The following GLRA3 variants were observed in gnomAD, a reference collection of about 807,000 sequenced individuals.
GLRA3 encodes glycine receptor alpha 3.
GLRA3 carries 44 observed loss-of-function variants against 60.4 expected under a neutral mutation model. The observed-to-expected ratio is 0.73, with a 90% CI of 0.57 to 0.94. GLRA3 has a LOEUF of 0.94. Ranked by LOEUF, GLRA3 falls within the 40% of genes least tolerant of loss-of-function variation. The pLI is 0.00. For synonymous variants in GLRA3, 223 were observed against 192.9 expected, an observed-to-expected ratio of 1.16 and a Z score of -1.29; for missense variants, 508 against 564.6, an observed-to-expected ratio of 0.90 and a Z score of 1.02.
At chr4:174,716,709 A>T (rs1393228971) in intron 4 of GLRA3, among the ~76,000 whole-genome samples, 1 of 152,048 alleles carries the variant, frequency 6.6e-6, no homozygotes, top group Non-Finnish European at 1.5e-5. Flanking sequence ...AATAGTACCT[A>T]CTCCAGAGAG....
At chr4:174,826,874 C>CTT (rs11338097) in intron 1 of GLRA3, among the ~76,000 whole-genome samples, 4 of 130,366 alleles carry the variant, frequency 3.1e-5, no homozygotes, top group Non-Finnish European at 3.4e-5. Flanking sequence ...AGGGAGCTTC[C>CTT]TTTTTTTTTT....
chr4:174,676,670 A>G (rs1432837895), intron 7 of GLRA3, among the ~76,000 whole-genome samples: 1 of 152,076 alleles, frequency 6.6e-6, no homozygotes, highest in Non-Finnish European at 1.5e-5. Flanking sequence ...AACATTTATT[A>G]TAGTATCAGT....
At chr4:174,714,289 A>G (rs1437657334) in intron 5 of GLRA3, among the ~76,000 whole-genome samples, 1 of 152,170 alleles carries the variant, frequency 6.6e-6, no homozygotes, top group Admixed American at 6.5e-5. Context: ...TTTTTCAACC[A>G]AGATATACAA....
At chr4:174,793,911 G>T (rs1000970284) in intron 1 of GLRA3, among the ~76,000 whole-genome samples, 1 of 151,836 alleles carries the variant, frequency 6.6e-6, no homozygotes, top group Non-Finnish European at 1.5e-5. Context: ...GATTAATTAA[G>T]ATTAAATCTT....
chr4:174,664,880 C>T lies in GLRA3; in HGVS notation c.928-5683G>A, dbSNP rs544304170. Among the ~76,000 whole-genome samples, 10 of 152,032 alleles carry T rather than the reference C, an allele frequency of 6.6e-5. No homozygotes were observed. In the South Asian group the frequency reaches 1.3e-3, roughly 19 times the overall value. ...CATTTACTGAATGCCGATGATGAACCCAAGTTCTGTTGTTAGGTGTTACAG... is the reference window on the plus strand; with the variant it reads ...CATTTACTGAATGCCGATGATGAACTCAAGTTCTGTTGTTAGGTGTTACAG... On this transcript the variant is annotated intron_variant, in intron 7 of 9. Coordinates refer to ENST00000274093, the MANE Select transcript of GLRA3 (RefSeq NM_006529.4).
chr4:174,685,746 C>T (rs1734532301), intron 5 of GLRA3, among the ~76,000 whole-genome samples: 1 of 151,984 alleles, frequency 6.6e-6, no homozygotes, highest in African/African-American at 2.4e-5. Context: ...AGTAGATGCA[C>T]ATTTCTCAAT....
At chr4:174,693,777 A>G (rs2111021774) in intron 5 of GLRA3, among the ~76,000 whole-genome samples, 1 of 152,290 alleles carries the variant, frequency 6.6e-6, no homozygotes, top group African/African-American at 2.4e-5. Flanking sequence ...TGCCCCACTT[A>G]AAAGGCACAG....
intron 9 of GLRA3, among the ~76,000 whole-genome samples, chr4:174,650,540 T>C (rs548031182): frequency 6.6e-6 from 1 of 152,330 alleles, no homozygotes; most frequent in Middle Eastern, 3.4e-3. Context: ...TGACATTCTC[T>C]TGAGTTCTGA....
intron 5 of GLRA3, among the ~76,000 whole-genome samples, chr4:174,700,479 A>C (rs1735264255): frequency 6.6e-6 from 1 of 152,152 alleles, no homozygotes; most frequent in South Asian, 2.1e-4. Context: ...CTACCTCCCT[A>C]TATGATGGCA....
In GLRA3 at chr4:174,672,779, C is replaced by T. The variant is rs139445181; in HGVS notation, c.927+4299G>A. Among the ~76,000 whole-genome samples the T allele has an allele frequency of 2.6e-3, 398 of 152,232 alleles. 1 individual carries two copies. Among genetic ancestry groups the T allele is most frequent in the Non-Finnish European group, 4.3e-3 (295 of 68,016 alleles). On this transcript the variant is annotated intron_variant, in intron 7 of 9. Transcript: ENST00000274093. Reference sequence around the variant, plus strand: ...GTTATGCAGGATAATTGCGATGTAACTGGATTATCAGCCCCAAGTGCCAAG... The same window carrying T: ...GTTATGCAGGATAATTGCGATGTAATTGGATTATCAGCCCCAAGTGCCAAG...
intron 2 of GLRA3, among the ~76,000 whole-genome samples, chr4:174,768,991 G>GTT (rs568856434): frequency 6.6e-6 from 1 of 151,166 alleles, no homozygotes; most frequent in African/African-American, 2.4e-5. Context: ...TAATTTCTTT[G>GTT]TTTTTTTTTA....
At chr4:174,647,332 G>A (rs116576994) in intron 9 of GLRA3, among the ~76,000 whole-genome samples, 8,202 of 151,818 alleles carry the variant, frequency 0.054, 294 homozygotes, top group Non-Finnish European at 0.084. Context: ...TGCTTGAACC[G>A]GGAAGCAGAG....
intron 5 of GLRA3, among the ~76,000 whole-genome samples, chr4:174,707,471 T>C (rs1183682046): frequency 1.3e-5 from 2 of 152,116 alleles, no homozygotes; most frequent in African/African-American, 4.8e-5. Context: ...CTATCTCTAA[T>C]GTATGTGTCA....
At chr4:174,775,732 G>A (rs1738571164) in intron 2 of GLRA3, among the ~76,000 whole-genome samples, 1 of 152,058 alleles carries the variant, frequency 6.6e-6, no homozygotes, top group Non-Finnish European at 1.5e-5. Context: ...CAATTCAATT[G>A]TTTTATGTTA....
At chr4:174,821,519 G>A (rs1347355263) in intron 1 of GLRA3, among the ~76,000 whole-genome samples, 1 of 151,542 alleles carries the variant, frequency 6.6e-6, no homozygotes, top group African/African-American at 2.4e-5. Context: ...TTTCTCAGGG[G>A]GATAAAAAGC....
chr4:174,797,981 A>G (rs992246263), intron 1 of GLRA3, among the ~76,000 whole-genome samples: 1 of 152,190 alleles, frequency 6.6e-6, no homozygotes, highest in Non-Finnish European at 1.5e-5. Flanking sequence ...GGAGGATGAA[A>G]ATAGCCAATA....
chr4:174,804,315 A>C (rs1465998685), intron 1 of GLRA3, among the ~76,000 whole-genome samples: 1 of 152,148 alleles, frequency 6.6e-6, no homozygotes, highest in Admixed American at 6.6e-5. Flanking sequence ...AGAGAGAAAG[A>C]GAGCACCAAC....
At position 174,642,243 on chromosome 4, in the gene GLRA3, G is replaced by C; in HGVS notation, c.*1543C>G. ...GTTTTAGTTTTAAATGGTAGTTTTT[G>C]CTTTTAATTTGAAAGTGGTTGAAGG... On this transcript the variant is annotated 3_prime_UTR_variant, in exon 10 of 10. Transcript: ENST00000274093. 1.1e-6 allele frequency: 1 copy of C among 916,124 alleles called. No homozygotes were observed. The highest frequency in any genetic ancestry group is 1.3e-6 in the Non-Finnish European group (1 of 767,068). 56.7% of individuals were successfully genotyped at this position (916,124 alleles called of 1,614,324 possible).
intron 3 of GLRA3, among the ~76,000 whole-genome samples, chr4:174,752,502 C>T (rs1203660443): frequency 2.0e-5 from 3 of 152,008 alleles, no homozygotes; most frequent in Admixed American, 6.6e-5. Context: ...GTGGAGGCAA[C>T]TCCATTGGAG....
Sources: allele counts gnomAD v4.1 joint callset (sites outside exome capture counted in the v4.1 genomes callset), GRCh38; gene constraint gnomAD v4.1.1; transcripts MANE v1.5; gene names NCBI Gene and HGNC (gene_info 2026-07-23, HGNC 2026-07-21).